The following ACOX2 variants were observed in gnomAD, a reference collection of about 807,000 sequenced individuals.
ACOX2 encodes acyl-CoA oxidase 2, also known as peroxisomal acyl-coenzyme A oxidase 2.
ACOX2 carries 59 observed loss-of-function variants against 77.5 expected under a neutral mutation model. The observed-to-expected ratio is 0.76, with a 90% confidence interval of 0.62 to 0.95. The LOEUF (loss-of-function observed/expected upper bound fraction) is 0.95, where lower values mean the gene tolerates loss of function less well. Ranked by LOEUF, ACOX2 falls within the 40% of genes least tolerant of loss-of-function variation. The pLI is 0.00. For synonymous variants in ACOX2, 317 were observed against 340.1 expected, an observed-to-expected ratio of 0.93 and a Z score of 0.75; for missense variants, 837 against 880.4, an observed-to-expected ratio of 0.95 and a Z score of 0.62.
Position 58,525,663 on chromosome 3 carries a change from A to T in ACOX2, c.1346+803T>A, listed in dbSNP as rs900009365. On this transcript the variant is annotated intron_variant, in intron 10 of 14. Coordinates refer to ENST00000302819, the MANE Select transcript of ACOX2 (RefSeq NM_003500.4). This position sits in a 1 kb window ranked among gnomAD's most constrained non-coding sequence, Gnocchi z 5.0. ...AAACTGCTCCAAAGGAAACAAGGCC[A>T]TGTTGGGTGGGAGGGGATCAAATGC... Among the ~76,000 whole-genome samples the T allele has an allele frequency of 1.3e-5, 2 of 152,242 alleles. No individual in the cohort carries two copies. The highest frequency in any genetic ancestry group is 4.8e-5 in the African/African-American group (2 of 41,472).
At position 58,534,083 on chromosome 3, in the gene ACOX2, A is replaced by G; in HGVS notation, c.386T>C (p.Leu129Pro). ...HRVFVRALRS[L>P]GSEEQIAKWD... ...TTTGGCAATCTGCTCCTCTGAGCCC[A>G]GGCTCCTGAGGGCTCTCACGAAGAC... is the stretch of plus-strand genomic sequence containing the variant. The change falls in exon 4 of 15, where the codon CTG becomes CCG. Residue 129 changes from leucine (L) to proline (P), a missense_variant. Leu to Pro is a moderately conservative substitution (Grantham distance 98). Coordinates refer to ENST00000302819, the MANE Select transcript of ACOX2 (RefSeq NM_003500.4). This position sits in a 1 kb window ranked among gnomAD's most constrained non-coding sequence, Gnocchi z 4.8. The G allele has an allele frequency of 6.2e-7, 1 of 1,614,174 alleles. No individual in the cohort carries two copies.
chr3:58,518,347 T>A (rs2063336818), intron 12 of ACOX2, among the ~76,000 whole-genome samples: 1 of 152,198 alleles, frequency 6.6e-6, no homozygotes, highest in African/African-American at 2.4e-5. Context: ...CCATCAACCC[T>A]GTGAGAGCCC....
chr3:58,528,450 T>C lies in ACOX2; in HGVS notation c.1155+344A>G, dbSNP rs544172206. ...CAAAATGTATTCACACTCAGAGGGA[T>C]AAATCAGGTCAGTTCAGGTCAAACT... On this transcript the variant is annotated intron_variant, in intron 9 of 14. Transcript: ENST00000302819. This position sits in a 1 kb window ranked among gnomAD's most constrained non-coding sequence, Gnocchi z 5.6. Among the ~76,000 whole-genome samples, 2 of 152,336 alleles carry C rather than the reference T, an allele frequency of 1.3e-5. No homozygotes were observed. The highest frequency in any genetic ancestry group is 4.8e-5 in the African/African-American group (2 of 41,582).
In ACOX2 at chr3:58,521,163, G is replaced by T. The variant is rs1334685275; in HGVS notation, c.1632+1333C>A. 6.6e-6 allele frequency among the ~76,000 whole-genome samples: 1 copy of T among 152,210 alleles called. No individual in the cohort carries two copies. Among genetic ancestry groups the T allele is most frequent in the Non-Finnish European group, 1.5e-5 (1 of 68,042 alleles). On this transcript the variant is annotated intron_variant, in intron 12 of 14. Transcript: ENST00000302819. The surrounding 1 kb of genome is among the most constrained non-coding windows in gnomAD (Gnocchi z 4.8). ...GACAGGACAGTTAGCACAGCAGGGG[G>T]TGCCCCTGCTGTAGGCTGAGCAGAA...
In ACOX2 at chr3:58,534,296, T is replaced by G; in HGVS notation, c.323+64A>C. 1 of 1,600,540 alleles carries G rather than the reference T, an allele frequency of 6.2e-7. No homozygotes were observed. The highest frequency in any genetic ancestry group is 8.5e-7 in the Non-Finnish European group (1 of 1,173,570). On this transcript the variant is annotated intron_variant, in intron 3 of 14. Coordinates refer to ENST00000302819, the MANE Select transcript of ACOX2 (RefSeq NM_003500.4). This position sits in a 1 kb window ranked among gnomAD's most constrained non-coding sequence, Gnocchi z 4.8. ...TGTTGGGGGAAATGGCTCATGGGGC[T>G]AGGGGGTTTCCAGGTGATCCCAGGT...
Position 58,534,180 on chromosome 3 carries a change from T to G in ACOX2, c.324-35A>C. On this transcript the variant is annotated intron_variant, in intron 3 of 14. Transcript: ENST00000302819. This position sits in a 1 kb window ranked among gnomAD's most constrained non-coding sequence, Gnocchi z 4.8. ...AGAGATGCTGTAGTTGAGTAGCTTA[T>G]TGGAGACAGGGGCCCAGGTACCCCC... The G allele has an allele frequency of 6.2e-7, 1 of 1,611,780 alleles. No individual in the cohort carries two copies. Among genetic ancestry groups the G allele is most frequent in the Non-Finnish European group, 8.5e-7 (1 of 1,178,934 alleles).
rs1176241435 is a variant in ACOX2, at chr3:58,537,184, A to G, written c.-157T>C. ...TGGCCTCTCCCCGGCTGTAGGCCGCAGCCTCTGGCAGGCTTGTGGTCCTGC... is the reference window on the plus strand; with the variant it reads ...TGGCCTCTCCCCGGCTGTAGGCCGCGGCCTCTGGCAGGCTTGTGGTCCTGC... On this transcript the variant is annotated 5_prime_UTR_variant, in exon 1 of 15. Transcript: ENST00000302819. 6.6e-6 allele frequency: 1 copy of G among 152,492 alleles called. No individual in the cohort carries two copies. The highest frequency in any genetic ancestry group is 1.5e-5 in the Non-Finnish European group (1 of 68,272). 9.4% of individuals were successfully genotyped at this position (152,492 alleles called of 1,614,324 possible). A position where few individuals can be genotyped will look rare whatever the true frequency, so the allele number is the denominator to read the frequency against.
rs561681194 is a variant in ACOX2, at chr3:58,521,195, G to T, written c.1632+1301C>A. The stretch of plus-strand genomic sequence containing the variant: ...TGCTGTAGGCTGAGCAGAACTGAGG[G>T]CTGCAGAGGTAATCCCATCACGTGT... On this transcript the variant is annotated intron_variant, in intron 12 of 14. Transcript: ENST00000302819. The surrounding 1 kb of genome is among the most constrained non-coding windows in gnomAD (Gnocchi z 4.8). Among the ~76,000 whole-genome samples, 2 of 152,290 alleles carry T rather than the reference G, an allele frequency of 1.3e-5. No individual in the cohort carries two copies. Among genetic ancestry groups the T allele is most frequent in the South Asian group, 4.1e-4 (2 of 4,828 alleles).
rs1468119721 is a variant in ACOX2, at chr3:58,534,140, AG to A, written c.328del (p.Leu110PhefsTer7). The A allele has an allele frequency of 7.4e-6, 12 of 1,614,056 alleles. No individual in the cohort carries two copies. Among genetic ancestry groups the A allele is most frequent in the African/African-American group, 1.3e-5 (1 of 74,930 alleles). ...GRELGYAYRA[L>X]SGDVALNIHR... Reference sequence around the variant, plus strand: ...TATATTTAAGGCCACGTCTCCAGAAAGGGCTCTGTTGGGGAGAGATGCTGTA... The same window carrying A: ...TATATTTAAGGCCACGTCTCCAGAAAGGCTCTGTTGGGGAGAGATGCTGTA... On this transcript the variant is annotated frameshift_variant, in exon 4 of 15. Transcript: ENST00000302819. LOFTEE classifies it high-confidence loss of function. This position sits in a 1 kb window ranked among gnomAD's most constrained non-coding sequence, Gnocchi z 4.8.
rs1453213799 is a variant in ACOX2 at position 58,534,788 on chromosome 3, T to C, written c.160+159A>G. On this transcript the variant is annotated intron_variant, in intron 2 of 14. Transcript: ENST00000302819. This position sits in a 1 kb window ranked among gnomAD's most constrained non-coding sequence, Gnocchi z 4.8. ...TAGGTGGGCTCAGGCAATATTGACA[T>C]GTGAAGATTGTCTTTACAGTTCGAA... The C allele has an allele frequency of 2.2e-6, 3 of 1,381,440 alleles. No homozygotes were observed. Among genetic ancestry groups the C allele is most frequent in the African/African-American group, 1.4e-5 (1 of 70,358 alleles). The allele number at this position is 1,381,440 out of a possible 1,614,324, so 85.6% of individuals were successfully genotyped here.
In ACOX2 at chr3:58,531,165, T is replaced by C; in HGVS notation, c.819+86A>G. On this transcript the variant is annotated intron_variant, in intron 7 of 14. Transcript: ENST00000302819. The surrounding 1 kb of genome is among the most constrained non-coding windows in gnomAD (Gnocchi z 5.8). ...GGAGGTTATGTGGCCCAAACTAAGC[T>C]CTATGGAGGACCCAGGCCCAGCCTG... 1 of 1,237,412 alleles carries C rather than the reference T, an allele frequency of 8.1e-7. No homozygotes were observed. The highest frequency in any genetic ancestry group is 1.1e-6 in the Non-Finnish European group (1 of 873,630). 76.7% of individuals were successfully genotyped at this position (1,237,412 alleles called of 1,614,324 possible).
chr3:58,526,023 AAAG>A lies in ACOX2; in HGVS notation c.1346+440_1346+442del, dbSNP rs984703724. The stretch of plus-strand genomic sequence containing the variant: ...CAGTGAGACTCCATCTCAAAAAAAA[AAAG>A]AAGAAGAAGAAGTGAGCAGAGGCAG... On this transcript the variant is annotated intron_variant, in intron 10 of 14. Transcript: ENST00000302819. The surrounding 1 kb of genome is among the most constrained non-coding windows in gnomAD (Gnocchi z 4.3). Among the ~76,000 whole-genome samples, 9 of 152,214 alleles carry A rather than the reference AAAG, an allele frequency of 5.9e-5. No individual in the cohort carries two copies. The East Asian group carries it at 7.7e-4, about 13-fold the overall frequency.
chr3:58,509,265 C>T (rs971467364), intron 13 of ACOX2, among the ~76,000 whole-genome samples: 6 of 152,078 alleles, frequency 3.9e-5, no homozygotes, highest in African/African-American at 1.2e-4. Flanking sequence ...TGGTGGCTCA[C>T]GCCTGTAATC....
chr3:58,505,722 TATA>T lies in ACOX2; in HGVS notation c.1984-439_1984-437del, dbSNP rs1251299260. 6.6e-6 allele frequency among the ~76,000 whole-genome samples: 1 copy of T among 152,194 alleles called. No individual in the cohort carries two copies. Among genetic ancestry groups the T allele is most frequent in the East Asian group, 1.9e-4 (1 of 5,206 alleles). On this transcript the variant is annotated intron_variant, in intron 14 of 14. Coordinates refer to ENST00000302819, the MANE Select transcript of ACOX2 (RefSeq NM_003500.4). This position sits in a 1 kb window ranked among gnomAD's most constrained non-coding sequence, Gnocchi z 4.4. ...GTTTCTTAGTTCTAGTCTCATCTTT[TATA>T]ATATTTACTTTGTGTGTGTGTGTGT...
chr3:58,527,245 A>G (rs941808045), intron 9 of ACOX2, among the ~76,000 whole-genome samples: 4 of 152,110 alleles, frequency 2.6e-5, no homozygotes, highest in Non-Finnish European at 5.9e-5. Flanking sequence ...CTCATGAAAG[A>G]GGCTGCTTCT....
Position 58,522,225 on chromosome 3 carries a change from C to T in ACOX2, c.1632+271G>A, listed in dbSNP as rs2063363468. Among the ~76,000 whole-genome samples, 1 of 152,232 alleles carries T rather than the reference C, an allele frequency of 6.6e-6. No individual in the cohort carries two copies. The highest frequency in any genetic ancestry group is 1.5e-5 in the Non-Finnish European group (1 of 68,038). The stretch of plus-strand genomic sequence containing the variant: ...TGGGGCTAAGGGGAGACTTGACCTG[C>T]TTTTCTATCTGGGAGGAAATATTTG... On this transcript the variant is annotated intron_variant, in intron 12 of 14. Transcript: ENST00000302819. This position sits in a 1 kb window ranked among gnomAD's most constrained non-coding sequence, Gnocchi z 4.3.
In ACOX2 at chr3:58,534,500, C is replaced by T. The variant is rs147221124; in HGVS notation, c.183G>A (p.Pro61=). The T allele has an allele frequency of 4.0e-5, 64 of 1,614,154 alleles. 1 individual carries two copies. Among genetic ancestry groups the T allele is most frequent in the South Asian group, 3.4e-4 (31 of 91,076 alleles). Residue 61 remains proline (P), a synonymous_variant, in exon 3 of 15, where the codon CCG becomes CCA. Transcript: ENST00000302819. The surrounding 1 kb of genome is among the most constrained non-coding windows in gnomAD (Gnocchi z 4.8). ...RKVESIIHSY[P]EFSCKDNYFM... ...AATAATTGTCCTTACAGCTAAACTC[C>T]GGGTAACTGTGGATGATGCTCTCTG...
Position 58,508,924 on chromosome 3 carries a change from T to C in ACOX2, c.1952A>G (p.Gln651Arg), listed in dbSNP as rs767185556. The change falls in exon 14 of 15, where the codon CAG (glutamine) becomes CGG (arginine). Residue 651 changes from glutamine (Q) to arginine (R), a missense_variant. Gln to Arg is a conservative substitution (Grantham distance 43). Transcript: ENST00000302819. ...ATTGGTTGGTGACTTCTGAGCCCAC[T>C]GGAACAGGCGTTCGTAGACGTTTCC... ...YDGNVYERLF[Q>R]WAQKSPTNTQ... The C allele has an allele frequency of 1.9e-6, 3 of 1,614,232 alleles. No homozygotes were observed. Among genetic ancestry groups the C allele is most frequent in the Non-Finnish European group, 2.5e-6 (3 of 1,180,036 alleles).
chr3:58,532,360 T>A (rs775020240), intron 5 of ACOX2, among the ~76,000 whole-genome samples: 5 of 152,070 alleles, frequency 3.3e-5, no homozygotes, highest in Non-Finnish European at 7.4e-5. Flanking sequence ...CATCTCTCTC[T>A]CTCTTTTTTT....
Sources: gnomAD v4.1 joint callset for allele counts (sites outside exome capture counted in the v4.1 genomes callset) on GRCh38, gnomAD v4.1.1 for gene constraint, Gnocchi (gnomAD v3.1) non-coding constraint, MANE v1.5 for transcripts, NCBI Gene and HGNC (gene_info 2026-07-23, HGNC 2026-07-21) for gene names.